The following RIC1 variants were observed in gnomAD, a reference collection of about 807,000 sequenced individuals.
RIC1 encodes the protein RIC1 partner of RAB6A GEF complex, also known as guanine nucleotide exchange factor subunit RIC1.
Under a neutral mutation model 169.0 loss-of-function variants are expected in RIC1, and 88 were observed. The ratio of observed to expected loss-of-function variants is 0.52; its 90% CI spans 0.44 to 0.62. The LOEUF (loss-of-function observed/expected upper bound fraction) is 0.62. Ranked by LOEUF, RIC1 falls within the 20% of genes least tolerant of loss-of-function variation. The pLI, the probability that RIC1 is intolerant of heterozygous loss-of-function variation, is 0.00. For missense variants in RIC1, 1,877 were observed against 1,725.5 expected, an observed-to-expected ratio of 1.09 and a Z score of -1.56; for synonymous variants, 790 against 601.5, an observed-to-expected ratio of 1.31 and a Z score of -4.59.
At chr9:5,738,212 A>G (rs758054626) in intron 7 of RIC1, among the ~76,000 whole-genome samples, 35 of 152,208 alleles carry the variant, frequency 2.3e-4, no homozygotes, top group African/African-American at 3.4e-4. Flanking sequence ...CAATAGTACA[A>G]TGGACATTGT....
chr9:5,757,566 A>G (rs558730244), intron 17 of RIC1, 115 bp downstream of exon 17: 2 of 1,081,174 alleles, frequency 1.8e-6, no homozygotes, highest in African/African-American at 1.6e-5. Flanking sequence ...AATGTACCTT[A>G]TATGAGAATG....
intron 2 of RIC1, among the ~76,000 whole-genome samples, chr9:5,675,912 C>T (rs990080179): frequency 1.3e-5 from 2 of 152,198 alleles, no homozygotes; most frequent in African/African-American, 4.8e-5. Context: ...CTTGAAACCA[C>T]CTTTGCAAAA....
At chr9:5,720,365 T>C (rs895242939) in intron 5 of RIC1, 41 bp downstream of exon 5, 3 of 1,567,720 alleles carry the variant, frequency 1.9e-6, no homozygotes, top group Non-Finnish European at 2.6e-6. Context: ...AGTTGTTTAA[T>C]GTTTGATGTC....
chr9:5,631,115 A>G (rs1276155820), intron 1 of RIC1, among the ~76,000 whole-genome samples: 1 of 152,196 alleles, frequency 6.6e-6, no homozygotes, highest in Non-Finnish European at 1.5e-5. Flanking sequence ...AAGCATAAAC[A>G]TATGCTTTAA....
intron 9 of RIC1, among the ~76,000 whole-genome samples, chr9:5,743,234 T>G (rs1328023687): frequency 1.3e-5 from 2 of 152,206 alleles, no homozygotes; most frequent in African/African-American, 4.8e-5. Context: ...ATTGAACCCC[T>G]GCTGTATATA....
intron 3 of RIC1, among the ~76,000 whole-genome samples, chr9:5,710,141 A>G (rs59447955): frequency 6.6e-6 from 1 of 152,192 alleles, no homozygotes. Context: ...CAGGATACTG[A>G]TAAAAAGCAC....
chr9:5,766,609 A>G (rs750142055), intron 21 of RIC1, among the ~76,000 whole-genome samples: 2 of 152,116 alleles, frequency 1.3e-5, no homozygotes, highest in African/African-American at 2.4e-5. Flanking sequence ...TTGGTTTTCC[A>G]TTCCTGAGTT....
chr9:5,725,101 T>C (rs998812776), intron 6 of RIC1, among the ~76,000 whole-genome samples: 4 of 152,242 alleles, frequency 2.6e-5, no homozygotes, highest in African/African-American at 9.6e-5. Flanking sequence ...TCCCTCTTTT[T>C]CTATTGATTG....
In RIC1 at chr9:5,763,600, C is replaced by G. The variant is rs1826479431; in HGVS notation, c.2573C>G (p.Pro858Arg). 6.2e-7 allele frequency: 1 copy of G among 1,614,152 alleles called. No individual in the cohort carries two copies. Among genetic ancestry groups the G allele is most frequent in the Non-Finnish European group, 8.5e-7 (1 of 1,180,016 alleles). Residue 858 changes from proline to arginine, a missense_variant, in exon 19 of 26, where the codon CCT becomes CGT. Around this residue, in one of 3 missense-constraint regions of RIC1, gnomAD observed 92 missense variants for 151.5 expected, o/e 0.61. Coordinates refer to ENST00000414202, the MANE Select transcript of RIC1 (RefSeq NM_020829.4). This position sits in a 1 kb window ranked among gnomAD's most constrained non-coding sequence, Gnocchi z 5.2. Reference protein sequence around the residue: ...AQSCATLPYFPHVLELMLHEV... With the variant: ...AQSCATLPYFRHVLELMLHEV... The stretch of plus-strand genomic sequence containing the variant: ...TCCTGTGCCACATTACCTTACTTCC[C>G]TCATGTGCTGGAGCTCATGCTCCAT...
chr9:5,745,504 A>G lies in RIC1; in HGVS notation c.1096-427A>G, dbSNP rs571146810. Among the ~76,000 whole-genome samples, 6 of 152,248 alleles carry G rather than the reference A, an allele frequency of 3.9e-5. No individual in the cohort carries two copies. In the East Asian group the frequency reaches 5.8e-4, roughly 15 times the overall value. Reference sequence around the variant, plus strand: ...CTCTAGTCTCACAGCTTCCAATCCAATGTTTTTTGCTCCATACAAAACTGC... The same window carrying G: ...CTCTAGTCTCACAGCTTCCAATCCAGTGTTTTTTGCTCCATACAAAACTGC... On this transcript the variant is annotated intron_variant, in intron 10 of 25. Coordinates refer to ENST00000414202, the MANE Select transcript of RIC1 (RefSeq NM_020829.4).
intron 1 of RIC1, among the ~76,000 whole-genome samples, chr9:5,655,241 A>T (rs1178916704): frequency 6.6e-6 from 1 of 151,994 alleles, no homozygotes; most frequent in Non-Finnish European, 1.5e-5. Context: ...TCTATTCCCG[A>T]GAGGTTTTTT....
intron 3 of RIC1, among the ~76,000 whole-genome samples, chr9:5,694,260 G>C (rs1300995211): frequency 6.6e-6 from 1 of 152,194 alleles, no homozygotes; most frequent in Non-Finnish European, 1.5e-5. Context: ...GGTGACAAGA[G>C]ATCTGAATTA....
Position 5,713,941 on chromosome 9 carries a change from G to C in RIC1, c.378G>C (p.Gln126His). Reference sequence around the variant, plus strand: ...GGACACCCCATTTTAAGGAAGAACAGTGTGCTCCAGCATTAAATTTGGAGA... The same window carrying C: ...GGACACCCCATTTTAAGGAAGAACACTGTGCTCCAGCATTAAATTTGGAGA... ...MKGTPHFKEE[Q>H]CAPALNLEMR... Residue 126 changes from glutamine (Q) to histidine (H), a missense_variant, in exon 4 of 26, where the codon CAG becomes CAC. This residue lies in a region of RIC1 where 1,104 missense variants were observed against 992.0 expected (regional missense o/e 1.11). Transcript: ENST00000414202. The C allele has an allele frequency of 6.2e-7, 1 of 1,613,330 alleles. No individual in the cohort carries two copies. Among genetic ancestry groups the C allele is most frequent in the Non-Finnish European group, 8.5e-7 (1 of 1,179,496 alleles).
At chr9:5,767,597 T>C (rs1383701869) in intron 21 of RIC1, among the ~76,000 whole-genome samples, 1 of 152,222 alleles carries the variant, frequency 6.6e-6, no homozygotes, top group Non-Finnish European at 1.5e-5. Flanking sequence ...TGGGTTTTTT[T>C]GTTTTTTGAG....
At chr9:5,672,343 A>G (rs1820156258) in intron 2 of RIC1, among the ~76,000 whole-genome samples, 2 of 152,254 alleles carry the variant, frequency 1.3e-5, no homozygotes, top group East Asian at 1.9e-4. Context: ...GGGATGAGAC[A>G]GAAGAATGTA....
At chr9:5,759,935 G>A (rs963672202) in intron 17 of RIC1, among the ~76,000 whole-genome samples, 2 of 152,166 alleles carry the variant, frequency 1.3e-5, no homozygotes, top group Admixed American at 1.3e-4. Flanking sequence ...ATCCCAGATA[G>A]AGTAGGCAAC....
intron 1 of RIC1, among the ~76,000 whole-genome samples, chr9:5,654,887 T>G (rs938848636): frequency 1.3e-5 from 2 of 152,170 alleles, no homozygotes; most frequent in Admixed American, 6.6e-5. Context: ...TTCCACTTTT[T>G]TATTGCTGGT....
chr9:5,708,113 G>T (rs1822702747), intron 3 of RIC1, among the ~76,000 whole-genome samples: 1 of 152,002 alleles, frequency 6.6e-6, no homozygotes, highest in Non-Finnish European at 1.5e-5. Context: ...CATCTTGCAT[G>T]TACAACAGCC....
intron 6 of RIC1, among the ~76,000 whole-genome samples, chr9:5,727,979 T>C (rs1824104691): frequency 6.6e-6 from 1 of 152,194 alleles, no homozygotes; most frequent in Non-Finnish European, 1.5e-5. Flanking sequence ...CCAGTTAGGC[T>C]ACTTATGGGT....
Sources: allele counts gnomAD v4.1 joint callset (sites outside exome capture counted in the v4.1 genomes callset), GRCh38; gene constraint gnomAD v4.1.1; regional missense constraint gnomAD v4.1.1; non-coding constraint Gnocchi (gnomAD v3.1); transcripts MANE v1.5; gene names NCBI Gene and HGNC (gene_info 2026-07-23, HGNC 2026-07-21).